MEI1: variants seen among roughly 807,000 people sequenced by gnomAD.
MEI1 encodes meiosis inhibitor protein 1.
In MEI1, 103 loss-of-function variants were observed where a neutral mutation model predicts 146.2. That is an observed-to-expected ratio of 0.70 (90% CI 0.60 to 0.83). MEI1 has a LOEUF of 0.83. Among genes scored for constraint, MEI1 ranks in the 40% least tolerant of loss-of-function variants. The pLI, the probability that MEI1 is intolerant of heterozygous loss-of-function variation, is 0.00. For synonymous variants in MEI1, 652 were observed against 628.2 expected (o/e 1.04, Z -0.57); for missense variants, 1,529 against 1,533.0 (o/e 1.00, Z 0.04).
At chr22:41,789,892 C>T (rs550846829) in intron 26 of MEI1, among the ~76,000 whole-genome samples, 1 of 152,254 alleles carries the variant, frequency 6.6e-6, no homozygotes, top group South Asian at 2.1e-4. Flanking sequence ...AGTGACTGCC[C>T]TATAATTGCC....
chr22:41,799,233 C>T (rs145215725), intron 30 of MEI1, 21 bp from the exon 31 acceptor site: 4 of 1,612,782 alleles, frequency 2.5e-6, no homozygotes, highest in Non-Finnish European at 3.4e-6. Flanking sequence ...CTGCTGTTTT[C>T]CTCTCATGTT....
intron 7 of MEI1, among the ~76,000 whole-genome samples, chr22:41,725,718 T>C (rs2071273164): frequency 6.6e-6 from 1 of 152,218 alleles, no homozygotes; most frequent in African/African-American, 2.4e-5. Flanking sequence ...TCTGCTGATA[T>C]GAGTCAGCCT....
chr22:41,720,144 C>A (rs1040821295), intron 6 of MEI1, among the ~76,000 whole-genome samples: 9 of 152,034 alleles, frequency 5.9e-5, no homozygotes, highest in African/African-American at 2.2e-4. Flanking sequence ...AGGGTAGGAG[C>A]AGGGGACAGG....
At chr22:41,725,837 T>A (rs146006304) in intron 7 of MEI1, among the ~76,000 whole-genome samples, 1 of 152,348 alleles carries the variant, frequency 6.6e-6, no homozygotes, top group Non-Finnish European at 1.5e-5. Context: ...GGGAGCTCTT[T>A]CAGGGCAAAA....
chr22:41,744,558 C>T (rs1601881275), intron 12 of MEI1, among the ~76,000 whole-genome samples: 1 of 7,162 alleles, frequency 1.4e-4, no homozygotes, highest in Non-Finnish European at 2.4e-4. Flanking sequence ...AGTGCAGTGG[C>T]GGGATCTCGG....
chr22:41,736,246 T>A (rs1357586212), intron 11 of MEI1, among the ~76,000 whole-genome samples: 1 of 129,790 alleles, frequency 7.7e-6, no homozygotes, highest in Non-Finnish European at 1.5e-5. Context: ...TTTTTCTTTT[T>A]TCTTTTTCTT....
intron 7 of MEI1, among the ~76,000 whole-genome samples, chr22:41,724,342 G>T (rs371952856): frequency 9.9e-5 from 15 of 152,172 alleles, no homozygotes; most frequent in African/African-American, 3.4e-4. Context: ...CAAAAAAGTT[G>T]GGCGTGGTGG....
intron 3 of MEI1, among the ~76,000 whole-genome samples, chr22:41,708,112 A>G (rs1175537530): frequency 6.6e-6 from 1 of 152,256 alleles, no homozygotes; most frequent in East Asian, 1.9e-4. Context: ...TTATTTTTAA[A>G]TTCAATCACA....
intron 6 of MEI1, among the ~76,000 whole-genome samples, chr22:41,723,163 G>C (rs1378722994): frequency 6.6e-6 from 1 of 151,752 alleles, no homozygotes; most frequent in Non-Finnish European, 1.5e-5. Context: ...CATGTATTTG[G>C]GTATTTCTCA....
chr22:41,795,541 A>T lies in MEI1; in HGVS notation c.3665A>T (p.Gln1222Leu). The T allele has an allele frequency of 6.2e-7, 1 of 1,613,804 alleles. No individual in the cohort carries two copies. The highest frequency in any genetic ancestry group is 8.5e-7 in the Non-Finnish European group (1 of 1,179,842). Reference protein sequence around the residue: ...TLQALHGFFQQLQSMGHLADH... With the variant: ...TLQALHGFFQLLQSMGHLADH... The stretch of plus-strand genomic sequence containing the variant: ...CAGGCCCTGCATGGCTTCTTCCAGC[A>T]GGTGGGTGGGAAGGGGAGGCCATGC... Residue 1222 changes from glutamine (Q) to leucine (L), a missense_variant and splice_region_variant, in exon 29 of 31, where the codon CAG (glutamine) becomes CTG (leucine). Physicochemically the swap from Gln to Leu is moderately radical, Grantham distance 113 (BLOSUM62 -2). Transcript: ENST00000401548. The surrounding 1 kb of genome is among the most constrained non-coding windows in gnomAD (Gnocchi z 4.2).
intron 9 of MEI1, among the ~76,000 whole-genome samples, chr22:41,731,799 G>A (rs535796999): frequency 6.6e-6 from 1 of 152,288 alleles, no homozygotes; most frequent in East Asian, 1.9e-4. Context: ...AAAAGGGAGA[G>A]AGATGCAAAG....
At chr22:41,791,480 C>A (rs148972233) in intron 26 of MEI1, among the ~76,000 whole-genome samples, 2,458 of 152,108 alleles carry the variant, frequency 0.016, 62 homozygotes, top group African/African-American at 0.055. Context: ...AGAGTGAGAC[C>A]TGTCTCAAAA....
chr22:41,744,066 AG>A (rs1374067181), intron 12 of MEI1, among the ~76,000 whole-genome samples: 3 of 151,424 alleles, frequency 2.0e-5, no homozygotes, highest in Non-Finnish European at 4.4e-5. Flanking sequence ...TAGTAGAGAC[AG>A]GGTTTCACTG....
rs1241035570 is a variant in MEI1, at chr22:41,793,884, A to G, written c.3401A>G (p.Tyr1134Cys). Residue 1134 changes from tyrosine to cysteine, a missense_variant, in exon 27 of 31, where the codon TAC becomes TGC. By Grantham distance (194) the Tyr-to-Cys change is radical. Transcript: ENST00000401548. The part of the protein sequence containing the change: ...CVGCLEALLD[Y>C]LDARSPDIAL... ...GGCTGCCTGGAGGCCTTGCTTGACT[A>G]CCTGGATGCCCGGAGCCCAGACATT... is the stretch of plus-strand genomic sequence containing the variant. 6.2e-7 allele frequency: 1 copy of G among 1,611,868 alleles called. No homozygotes were observed. The highest frequency in any genetic ancestry group is 1.1e-5 in the South Asian group (1 of 90,934).
At chr22:41,798,077 A>G (rs2076423916) in intron 30 of MEI1, among the ~76,000 whole-genome samples, 1 of 151,480 alleles carries the variant, frequency 6.6e-6, no homozygotes, top group African/African-American at 2.4e-5. Context: ...CTTTGGAGAC[A>G]GTTGTCCAAG....
At chr22:41,717,618 CTTTT>C (rs386395487) in intron 5 of MEI1, among the ~76,000 whole-genome samples, 2 of 138,286 alleles carry the variant, frequency 1.4e-5, no homozygotes, top group Non-Finnish European at 1.6e-5. Context: ...TTTTTCTTTT[CTTTT>C]TTTTTTTTTT....
intron 26 of MEI1, among the ~76,000 whole-genome samples, chr22:41,787,210 G>C (rs2076022114): frequency 6.6e-6 from 1 of 152,180 alleles, no homozygotes; most frequent in African/African-American, 2.4e-5. Flanking sequence ...GCAGGAATCA[G>C]ATGAGAACCA....
rs1199650824 is a variant in MEI1 at position 41,729,654 on chromosome 22, T to A, written c.865-11T>A. 10 of 1,592,114 alleles carry A rather than the reference T, an allele frequency of 6.3e-6. No individual in the cohort carries two copies. The highest frequency in any genetic ancestry group is 8.6e-6 in the Non-Finnish European group (10 of 1,165,418). On this transcript the variant is annotated splice_polypyrimidine_tract_variant and intron_variant, in intron 7 of 30. Transcript: ENST00000401548. ...TGTGACTGGGGTACTTTTTGCTGCC[T>A]GTTTCTCCAGCTTCTCCTCTCTAGA...
At chr22:41,783,969 C>T (rs920672571) in intron 24 of MEI1, among the ~76,000 whole-genome samples, 2 of 152,184 alleles carry the variant, frequency 1.3e-5, no homozygotes, top group African/African-American at 4.8e-5. Flanking sequence ...AGGTGTAAGC[C>T]ACTGTACCTG....
Sources: allele counts gnomAD v4.1 joint callset (sites outside exome capture counted in the v4.1 genomes callset), GRCh38; gene constraint gnomAD v4.1.1; non-coding constraint Gnocchi (gnomAD v3.1); transcripts MANE v1.5; gene names NCBI Gene and HGNC (gene_info 2026-07-23, HGNC 2026-07-21).